Variants in NAV2 observed in about 807,000 individuals in gnomAD.
NAV2 encodes neuron navigator 2.
A neutral mutation model predicts 223.2 loss-of-function variants in NAV2; 54 were observed. The observed-to-expected ratio is 0.24, with a 90% CI of 0.19 to 0.30. The LOEUF is 0.30. NAV2 is among the 10% of genes least tolerant of loss of function. The pLI is 1.00. For synonymous variants in NAV2, 1,279 were observed against 1,239.3 expected (o/e 1.03, Z -0.67); for missense variants, 2,806 against 3,147.5 (o/e 0.89, Z 2.60).
intron 6 of NAV2, among the ~76,000 whole-genome samples, chr11:19,928,833 G>A (rs577187365): frequency 6.8e-4 from 103 of 152,154 alleles, no homozygotes; most frequent in Non-Finnish European, 1.1e-3. Context: ...CTAGGATCAC[G>A]CCATGAGTTG....
At chr11:19,493,920 C>T (rs1022976170) in intron 1 of NAV2, among the ~76,000 whole-genome samples, 2 of 152,208 alleles carry the variant, frequency 1.3e-5, no homozygotes, top group African/African-American at 2.4e-5. Flanking sequence ...CCAATAGCTG[C>T]CTATGCTTAA....
rs192868091 is a variant in NAV2 at position 19,485,960 on chromosome 11, G to A, written c.75+134933G>A. Among the ~76,000 whole-genome samples the A allele has an allele frequency of 1.1e-4, 16 of 152,284 alleles. No homozygotes were observed. The East Asian group carries it at 3.1e-3, about 29-fold the overall frequency. Reference sequence around the variant, plus strand: ...AGGAGAAAAGAGGCTGGGCAGAAATGAATGCAAGAGCCTCCTCCACCATGC... The same window carrying A: ...AGGAGAAAAGAGGCTGGGCAGAAATAAATGCAAGAGCCTCCTCCACCATGC... On this transcript the variant is annotated intron_variant, in intron 1 of 37. Coordinates refer to the NAV2 transcript ENST00000360655.
intron 6 of NAV2, among the ~76,000 whole-genome samples, chr11:19,905,330 G>A (rs1028421645): frequency 6.6e-6 from 1 of 151,778 alleles, no homozygotes; most frequent in Non-Finnish European, 1.5e-5. Flanking sequence ...TTCATGAGAA[G>A]TCACATGTGT....
chr11:20,043,817 A>G (rs2057183408), intron 12 of NAV2, 164 bp from the exon 13 acceptor site: 2 of 578,944 alleles, frequency 3.5e-6, no homozygotes, highest in East Asian at 5.6e-5. Flanking sequence ...AAAAAAAATC[A>G]GTCTTTCTAA....
At chr11:19,551,154 C>T (rs1033844937) in intron 1 of NAV2, among the ~76,000 whole-genome samples, 1 of 152,250 alleles carries the variant, frequency 6.6e-6, no homozygotes, top group Non-Finnish European at 1.5e-5. Context: ...AGCCAAGAAC[C>T]CTTGCAAGCT....
intron 11 of NAV2, among the ~76,000 whole-genome samples, chr11:20,013,212 A>T (rs77475790): frequency 6.6e-6 from 1 of 152,214 alleles, no homozygotes; most frequent in African/African-American, 2.4e-5. Flanking sequence ...ATACTGGGAT[A>T]TGTGAGTTTT....
chr11:20,096,789 A>T (rs1440702695), intron 30 of NAV2, among the ~76,000 whole-genome samples: 2 of 152,198 alleles, frequency 1.3e-5, no homozygotes, highest in Non-Finnish European at 2.9e-5. Flanking sequence ...AAGCCAGCCT[A>T]TAGAAATGAG....
At chr11:19,353,576 A>G (rs1468302542) in intron 1 of NAV2, among the ~76,000 whole-genome samples, 1 of 152,180 alleles carries the variant, frequency 6.6e-6, no homozygotes, top group Admixed American at 6.5e-5. Context: ...GGATTTTATT[A>G]TAGGGATATT....
intron 1 of NAV2, among the ~76,000 whole-genome samples, chr11:19,381,899 G>A (rs566144250): frequency 6.6e-6 from 1 of 152,330 alleles, no homozygotes; most frequent in African/African-American, 2.4e-5. Context: ...CTGAGGACAA[G>A]AGGGGCTGTG....
chr11:19,808,682 T>C (rs914246931), intron 1 of NAV2, among the ~76,000 whole-genome samples: 1 of 152,218 alleles, frequency 6.6e-6, no homozygotes, highest in Non-Finnish European at 1.5e-5. Context: ...GGTACAATTA[T>C]GTAGAATGTG....
intron 11 of NAV2, among the ~76,000 whole-genome samples, chr11:19,999,117 C>T (rs2052271786): frequency 6.6e-6 from 1 of 152,236 alleles, no homozygotes; most frequent in Non-Finnish European, 1.5e-5. Flanking sequence ...CAGAATAGGG[C>T]ACTAGCCAAT....
At position 20,101,071 on chromosome 11, in the gene NAV2, T is replaced by C. The variant is rs139711511; in HGVS notation, c.6316T>C (p.Tyr2106His). ...TGGCCCCAGCGGCACTGGGAAAACC[T>C]ACCTGGCCAACCGGCTGTCTGAGTA... Reference protein sequence around the residue: ...LSGPSGTGKTYLANRLSEYIV... With the variant: ...LSGPSGTGKTHLANRLSEYIV... Residue 2106 changes from tyrosine (Y) to histidine (H), a missense_variant, in exon 32 of 38, where the codon TAC becomes CAC. Around this residue, in one of 4 missense-constraint regions of NAV2, gnomAD observed 824 missense variants for 1,069.4 expected, o/e 0.77. Transcript: ENST00000349880. 38 of 1,614,134 alleles carry C rather than the reference T, an allele frequency of 2.4e-5. No individual in the cohort carries two copies. The Admixed American group carries it at 5.7e-4, about 24-fold the overall frequency.
intron 1 of NAV2, among the ~76,000 whole-genome samples, chr11:19,544,098 C>A (rs997707101): frequency 6.6e-6 from 1 of 152,154 alleles, no homozygotes; most frequent in Non-Finnish European, 1.5e-5. Context: ...GTGCCTGGCA[C>A]ATAGTAAGTG....
chr11:19,644,054 A>G (rs1590025008), intron 1 of NAV2, among the ~76,000 whole-genome samples: 1 of 115,350 alleles, frequency 8.7e-6, no homozygotes, highest in African/African-American at 3.0e-5. Context: ...TGTGTATGTG[A>G]TACCTCTGTG....
At chr11:19,540,808 A>C (rs1232979261) in intron 1 of NAV2, among the ~76,000 whole-genome samples, 1 of 152,176 alleles carries the variant, frequency 6.6e-6, no homozygotes, top group Non-Finnish European at 1.5e-5. Flanking sequence ...AGGTGGAAGG[A>C]TCACAAGGTG....
At chr11:19,973,033 A>G (rs982712830) in intron 10 of NAV2, among the ~76,000 whole-genome samples, 15 of 152,176 alleles carry the variant, frequency 9.9e-5, no homozygotes, top group Admixed American at 2.0e-4. Context: ...GCCTTTGTCT[A>G]CAGCAGGGAT....
At chr11:20,103,770 G>A in intron 34 of NAV2, 46 bp downstream of exon 34, 1 of 1,568,556 alleles carries the variant, frequency 6.4e-7, no homozygotes, top group Non-Finnish European at 8.8e-7. Context: ...GAATCACAAA[G>A]AAGAAAAGCA....
chr11:19,773,969 T>C (rs2055922752), intron 1 of NAV2, among the ~76,000 whole-genome samples: 1 of 152,214 alleles, frequency 6.6e-6, no homozygotes, highest in Admixed American at 6.5e-5. Flanking sequence ...TAGAGTGTCC[T>C]TTACAGCAAT....
At chr11:19,907,087 G>T (rs575909197) in intron 6 of NAV2, among the ~76,000 whole-genome samples, 11 of 142,650 alleles carry the variant, frequency 7.7e-5, no homozygotes, top group African/African-American at 2.9e-4. Flanking sequence ...ACCACATAAA[G>T]TTATTGTACG....
Sources: allele counts gnomAD v4.1 joint callset (sites outside exome capture counted in the v4.1 genomes callset), GRCh38; gene constraint gnomAD v4.1.1; regional missense constraint gnomAD v4.1.1; transcripts MANE v1.5; gene names NCBI Gene and HGNC (gene_info 2026-07-23, HGNC 2026-07-21).